ADGRL3: variants seen among roughly 807,000 people sequenced by gnomAD.
ADGRL3 encodes the protein adhesion G protein-coupled receptor L3, also known as calcium-independent alpha-latrotoxin receptor 3.
In ADGRL3, 62 loss-of-function variants were observed where a neutral mutation model predicts 153.5. That is an observed-to-expected ratio of 0.40 (90% CI 0.33 to 0.50). ADGRL3 has a LOEUF of 0.50. Among genes scored for constraint, ADGRL3 ranks in the 20% least tolerant of loss-of-function variants. The pLI is 0.47. For synonymous variants in ADGRL3, 710 were observed against 672.5 expected (o/e 1.06, Z -0.86); for missense variants, 1,641 against 1,859.4 (o/e 0.88, Z 2.16).
At chr4:61,657,134 G>A (rs556405847) in intron 5 of ADGRL3, among the ~76,000 whole-genome samples, 4 of 152,088 alleles carry the variant, frequency 2.6e-5, no homozygotes, top group Non-Finnish European at 5.9e-5. Context: ...TCTTGTGATT[G>A]TACTTCACTC....
At chr4:61,260,771 G>T (rs2092447145) in intron 1 of ADGRL3, among the ~76,000 whole-genome samples, 1 of 151,990 alleles carries the variant, frequency 6.6e-6, no homozygotes, top group Non-Finnish European at 1.5e-5. Flanking sequence ...TGTCACCCAG[G>T]CTGGAGTGCA....
chr4:61,744,460 C>A (rs996779787), intron 8 of ADGRL3, among the ~76,000 whole-genome samples: 3 of 152,138 alleles, frequency 2.0e-5, no homozygotes, highest in Admixed American at 1.3e-4. Context: ...CTGGGAGGCA[C>A]CCCCCAGTAG....
chr4:61,745,979 CA>C (rs1230284784), intron 8 of ADGRL3, among the ~76,000 whole-genome samples: 1 of 151,840 alleles, frequency 6.6e-6, no homozygotes, highest in Non-Finnish European at 1.5e-5. Flanking sequence ...CACATGCAGA[CA>C]CACAAAAGCT....
intron 13 of ADGRL3, among the ~76,000 whole-genome samples, chr4:61,926,327 T>C (rs957743549): frequency 2.6e-5 from 4 of 152,206 alleles, no homozygotes; most frequent in African/African-American, 9.7e-5. Flanking sequence ...CCCACACATA[T>C]ACTTTTATAC....
At chr4:62,016,563 TTA>T (rs1327294643) in intron 21 of ADGRL3, among the ~76,000 whole-genome samples, 3 of 152,296 alleles carry the variant, frequency 2.0e-5, no homozygotes, top group South Asian at 2.1e-4. Flanking sequence ...TGGGCATACT[TTA>T]TGTTTTTCTA....
rs557461451 is a variant in ADGRL3, at chr4:61,861,178, T to C, written c.1481-31478T>C. 7.2e-5 allele frequency among the ~76,000 whole-genome samples: 11 copies of C among 152,288 alleles called. 1 individual carries two copies. The South Asian group carries it at 2.3e-3, about 32-fold the overall frequency. On this transcript the variant is annotated intron_variant, in intron 9 of 26. Transcript: ENST00000683033. ...AGGGAAAGCTGAGAGTAGGGGTGTA[T>C]ATCATGATTGTTAAAAGCAAGGATT... is the stretch of plus-strand genomic sequence containing the variant.
intron 1 of ADGRL3, among the ~76,000 whole-genome samples, chr4:61,208,164 T>G (rs1738217920): frequency 6.6e-6 from 1 of 152,116 alleles, no homozygotes; most frequent in Admixed American, 6.5e-5. Flanking sequence ...TATCTGGATC[T>G]AGGCCCTAGA....
intron 17 of ADGRL3, among the ~76,000 whole-genome samples, chr4:61,964,511 T>G (rs1004778640): frequency 3.7e-4 from 56 of 152,012 alleles, no homozygotes; most frequent in African/African-American, 1.3e-3. Context: ...GACAGACTCT[T>G]TTTTTTCATA....
intron 1 of ADGRL3, among the ~76,000 whole-genome samples, chr4:61,263,353 A>T (rs77582900): frequency 0.027 from 4,135 of 151,872 alleles, 185 homozygotes; most frequent in African/African-American, 0.091. Flanking sequence ...AAAAAATATT[A>T]GGCTATTCCT....
chr4:61,948,046 A>C, intron 16 of ADGRL3, 54 bp from the exon 17 acceptor site: 1 of 1,446,970 alleles, frequency 6.9e-7, no homozygotes, highest in South Asian at 1.3e-5. Flanking sequence ...TGCCAACCTA[A>C]TTTACATGAT....
chr4:61,801,808 T>A (rs931274867), intron 8 of ADGRL3, among the ~76,000 whole-genome samples: 7 of 152,142 alleles, frequency 4.6e-5, no homozygotes, highest in African/African-American at 1.7e-4. Context: ...GACACAACAG[T>A]ACCTCAAACA....
chr4:61,573,155 T>G (rs2149164526), intron 4 of ADGRL3, among the ~76,000 whole-genome samples: 1 of 152,162 alleles, frequency 6.6e-6, no homozygotes, highest in African/African-American at 2.4e-5. Context: ...TCCAGCAGGA[T>G]ATTCTGTCGT....
chr4:61,995,365 A>G (rs1420617662), intron 19 of ADGRL3, among the ~76,000 whole-genome samples: 2 of 151,884 alleles, frequency 1.3e-5, no homozygotes, highest in Admixed American at 6.6e-5. Flanking sequence ...CTGTTATTCC[A>G]TTATTGCTTA....
intron 2 of ADGRL3, among the ~76,000 whole-genome samples, chr4:61,483,799 T>A (rs1160629075): frequency 6.6e-6 from 1 of 151,428 alleles, no homozygotes; most frequent in Non-Finnish European, 1.5e-5. Context: ...AATACATGAA[T>A]GAAGTCATAA....
intron 11 of ADGRL3, among the ~76,000 whole-genome samples, chr4:61,902,812 C>T (rs573832286): frequency 6.6e-6 from 1 of 152,290 alleles, no homozygotes; most frequent in African/African-American, 2.4e-5. Flanking sequence ...GTTAAAATGT[C>T]TACTCTACCA....
intron 4 of ADGRL3, among the ~76,000 whole-genome samples, chr4:61,565,010 A>T (rs1156691616): frequency 1.3e-5 from 2 of 152,178 alleles, no homozygotes; most frequent in Non-Finnish European, 2.9e-5. Context: ...CACCATACAG[A>T]TGTGATAATA....
Position 62,072,540 on chromosome 4 carries a change from C to T in ADGRL3, c.*1632C>T, listed in dbSNP as rs1341497145. On this transcript the variant is annotated 3_prime_UTR_variant, in exon 27 of 27. Transcript: ENST00000683033. ...TCAATACATAAACTTTGCTAATCCTCTGTGGCCCAAATGAGCCATGCAAAA... is the reference window on the plus strand; with the variant it reads ...TCAATACATAAACTTTGCTAATCCTTTGTGGCCCAAATGAGCCATGCAAAA... 1.3e-5 allele frequency: 2 copies of T among 152,422 alleles called. No homozygotes were observed. Among genetic ancestry groups the T allele is most frequent in the African/African-American group, 4.8e-5 (2 of 41,402 alleles). The allele number at this position is 152,422 out of a possible 1,614,324, so 9.4% of individuals were successfully genotyped here. A position where few individuals can be genotyped will look rare whatever the true frequency, so the allele number is the denominator to read the frequency against.
chr4:62,006,308 C>T (rs2099158973), intron 21 of ADGRL3, among the ~76,000 whole-genome samples: 1 of 151,662 alleles, frequency 6.6e-6, no homozygotes, highest in Non-Finnish European at 1.5e-5. Flanking sequence ...AGTGCCTGAG[C>T]CGCGGAGCCC....
intron 8 of ADGRL3, among the ~76,000 whole-genome samples, chr4:61,788,249 T>C (rs1373195488): frequency 2.0e-5 from 3 of 152,156 alleles, no homozygotes; most frequent in African/African-American, 7.2e-5. Flanking sequence ...TGAAAACCAG[T>C]GCAGCAATCA....
Sources: gnomAD v4.1 joint callset for allele counts (sites outside exome capture counted in the v4.1 genomes callset) on GRCh38, gnomAD v4.1.1 for gene constraint, MANE v1.5 for transcripts, NCBI Gene and HGNC (gene_info 2026-07-23, HGNC 2026-07-21) for gene names.